ESRRG: variants seen among roughly 807,000 people sequenced by gnomAD.
ESRRG encodes the protein estrogen related receptor gamma.
In ESRRG, 13 loss-of-function variants were observed where a neutral mutation model predicts 44.0. The ratio of observed to expected loss-of-function variants is 0.30; its 90% confidence interval spans 0.19 to 0.47. ESRRG has a LOEUF of 0.47. Among genes scored for constraint, ESRRG ranks in the 20% least tolerant of loss-of-function variants. ESRRG has a pLI of 1.00. For missense variants in ESRRG, 395 were observed against 580.6 expected (o/e 0.68, Z 3.29); for synonymous variants, 215 against 214.6 (o/e 1.00, Z -0.02).
chr1:216,559,468 C>T (rs2058279619), intron 5 of ESRRG, among the ~76,000 whole-genome samples: 1 of 152,176 alleles, frequency 6.6e-6, no homozygotes, highest in Non-Finnish European at 1.5e-5. Flanking sequence ...GTCAACAAAT[C>T]AATAAACATT....
intron 1 of ESRRG, among the ~76,000 whole-genome samples, chr1:216,984,344 T>C (rs1030900836): frequency 6.6e-5 from 10 of 152,270 alleles, no homozygotes; most frequent in East Asian, 1.9e-4. Flanking sequence ...AAGCTGACAA[T>C]AGCTTCATGC....
intron 1 of ESRRG, among the ~76,000 whole-genome samples, chr1:217,054,303 A>G (rs2086669660): frequency 6.6e-6 from 1 of 152,188 alleles, no homozygotes; most frequent in African/African-American, 2.4e-5. Context: ...GGGGGGGAGC[A>G]TAAATGCTCA....
chr1:216,751,810 T>C (rs2092037506), intron 2 of ESRRG, among the ~76,000 whole-genome samples: 1 of 142,146 alleles, frequency 7.0e-6, no homozygotes, highest in East Asian at 2.1e-4. Context: ...TCGTATTAGA[T>C]GGAAGAATAT....
intron 2 of ESRRG, among the ~76,000 whole-genome samples, chr1:216,845,513 C>G (rs1322085473): frequency 2.0e-5 from 3 of 152,132 alleles, no homozygotes; most frequent in Admixed American, 1.3e-4. Context: ...TAGAGAAAAG[C>G]TACTTCTGGA....
At position 216,691,050 on chromosome 1, in the gene ESRRG, C is replaced by T. The variant is rs75437953; in HGVS notation, c.57-13559G>A. On this transcript the variant is annotated intron_variant, in intron 1 of 6. Coordinates refer to ENST00000408911, the MANE Select transcript of ESRRG (RefSeq NM_001438.4). ...GCCATTTTCTTCCCTCAAAATATGT[C>T]CAATAATAAAATGGCTTTAGGAAAT... 8.1e-3 allele frequency among the ~76,000 whole-genome samples: 1,238 copies of T among 152,206 alleles called. 16 individuals are homozygous for T. Among genetic ancestry groups the T allele is most frequent in the African/African-American group, 0.029 (1,191 of 41,528 alleles).
At position 216,926,827 on chromosome 1, in the gene ESRRG, G is replaced by A. The variant is rs553958392; in HGVS notation, c.-14+12755C>T. Among the ~76,000 whole-genome samples, 14 of 152,236 alleles carry A rather than the reference G, an allele frequency of 9.2e-5. No homozygotes were observed. The South Asian group carries it at 2.3e-3, about 25-fold the overall frequency. The stretch of plus-strand genomic sequence containing the variant: ...GAGGTAGAGAAGGAAGCTTTCATCC[G>A]GTCAAATGAGTAGCCAGAGCGCCGG... On this transcript the variant is annotated intron_variant, in intron 2 of 7. Coordinates refer to the ESRRG transcript ENST00000359162.
At chr1:216,981,585 A>C (rs1489489697) in intron 1 of ESRRG, among the ~76,000 whole-genome samples, 1 of 152,196 alleles carries the variant, frequency 6.6e-6, no homozygotes, top group Admixed American at 6.5e-5. Context: ...CTATACATAT[A>C]AGAGACAACA....
chr1:216,794,637 C>T (rs2094425152), intron 2 of ESRRG, among the ~76,000 whole-genome samples: 1 of 152,160 alleles, frequency 6.6e-6, no homozygotes, highest in African/African-American at 2.4e-5. Context: ...ACTGACTAAG[C>T]CCCTTTCCTA....
chr1:216,955,064 T>C (rs996171964), intron 1 of ESRRG, among the ~76,000 whole-genome samples: 3 of 152,150 alleles, frequency 2.0e-5, no homozygotes, highest in African/African-American at 7.2e-5. Flanking sequence ...TCAAAATTTC[T>C]CTTCTAGATT....
Position 217,004,146 on chromosome 1 carries a change from G to A in ESRRG, c.-105-64473C>T, listed in dbSNP as rs567910271. On this transcript the variant is annotated intron_variant, in intron 1 of 7. Coordinates refer to the ESRRG transcript ENST00000359162. ...TTTCTACAACGTAAAATTGACAGAC[G>A]ATGAAGTATATTTTCCCAGTTCTTT... 9.9e-5 allele frequency among the ~76,000 whole-genome samples: 15 copies of A among 152,180 alleles called. No homozygotes were observed. In the South Asian group the frequency reaches 2.1e-3, roughly 21 times the overall value.
At chr1:217,042,310 A>T (rs1234429819) in intron 1 of ESRRG, among the ~76,000 whole-genome samples, 1 of 152,126 alleles carries the variant, frequency 6.6e-6, no homozygotes, top group Non-Finnish European at 1.5e-5. Flanking sequence ...TGGCATTTCA[A>T]ATCTAACCTT....
At chr1:216,759,755 G>T (rs879285358) in intron 2 of ESRRG, among the ~76,000 whole-genome samples, 3 of 151,914 alleles carry the variant, frequency 2.0e-5, no homozygotes, top group Non-Finnish European at 2.9e-5. Flanking sequence ...TTTTTTTCTT[G>T]TTCTAATAAT....
intron 2 of ESRRG, among the ~76,000 whole-genome samples, chr1:216,866,565 C>CTTTTTTTTTTTTTTTTTTTT (rs111604276): frequency 6.9e-6 from 1 of 145,308 alleles, no homozygotes; most frequent in Non-Finnish European, 1.5e-5. Flanking sequence ...TTCTTTCTTT[C>CTTTTTTTTTTTTTTTTTTTT]TTTTTTTTTT....
At chr1:216,909,312 C>G (rs546200693) in intron 2 of ESRRG, among the ~76,000 whole-genome samples, 2 of 152,216 alleles carry the variant, frequency 1.3e-5, no homozygotes, top group Admixed American at 1.3e-4. Flanking sequence ...ACCTCTACAG[C>G]CCTCCCCTGT....
intron 2 of ESRRG, among the ~76,000 whole-genome samples, chr1:216,831,876 A>G (rs1436896): frequency 0.6 from 91,852 of 151,966 alleles, 28,157 homozygotes; most frequent in Non-Finnish European, 0.65. Flanking sequence ...ACTTACATGT[A>G]AATATATATA....
chr1:217,006,650 A>T (rs1211302917), intron 1 of ESRRG, among the ~76,000 whole-genome samples: 2 of 152,172 alleles, frequency 1.3e-5, no homozygotes, highest in Non-Finnish European at 1.5e-5. Flanking sequence ...GTCTAAACAC[A>T]AAATTCATTT....
intron 1 of ESRRG, among the ~76,000 whole-genome samples, chr1:216,955,212 C>G (rs1298918709): frequency 6.6e-6 from 1 of 152,130 alleles, no homozygotes; most frequent in African/African-American, 2.4e-5. Flanking sequence ...CTACCCCTCC[C>G]AGCCTCTTAT....
At chr1:217,027,760 G>C (rs1477761992) in intron 1 of ESRRG, among the ~76,000 whole-genome samples, 1 of 152,004 alleles carries the variant, frequency 6.6e-6, no homozygotes, top group Non-Finnish European at 1.5e-5. Flanking sequence ...GTTTAGGATG[G>C]GATTTTATGA....
chr1:216,805,662 G>T (rs934245659), intron 2 of ESRRG, among the ~76,000 whole-genome samples: 1 of 151,712 alleles, frequency 6.6e-6, no homozygotes, highest in East Asian at 1.9e-4. Flanking sequence ...GGCATTTGCC[G>T]TGCTCAAGTG....
Sources: gnomAD v4.1 joint callset for allele counts (sites outside exome capture counted in the v4.1 genomes callset) on GRCh38, gnomAD v4.1.1 for gene constraint, MANE v1.5 for transcripts, NCBI Gene and HGNC (gene_info 2026-07-23, HGNC 2026-07-21) for gene names.